Variants in PTPRN2 observed in about 807,000 individuals in gnomAD.
The protein encoded by PTPRN2 is receptor-type tyrosine-protein phosphatase N2.
In PTPRN2, 74 loss-of-function variants were observed where a neutral mutation model predicts 118.8. That is an observed-to-expected ratio of 0.62 (90% CI 0.52 to 0.76). PTPRN2 has a LOEUF of 0.76. Among genes scored for constraint, PTPRN2 ranks in the 30% least tolerant of loss-of-function variants. The pLI is 0.00. For missense variants in PTPRN2, 1,481 were observed against 1,394.4 expected, an observed-to-expected ratio of 1.06 and a Z score of -0.99; for synonymous variants, 641 against 608.0, an observed-to-expected ratio of 1.05 and a Z score of -0.80.
In PTPRN2 at chr7:158,555,445, C is replaced by T. The variant is rs1826913458; in HGVS notation, c.112+32113G>A. ...CCCTGCCTTCCTCGCTGAAACCTCC[C>T]AACACTGACGTCACCGGGGTGGGGC... On this transcript the variant is annotated intron_variant, in intron 1 of 22. Transcript: ENST00000389418. This position sits in a 1 kb window ranked among gnomAD's most constrained non-coding sequence, Gnocchi z 4.7. 6.6e-6 allele frequency among the ~76,000 whole-genome samples: 1 copy of T among 152,212 alleles called. No individual in the cohort carries two copies. Among genetic ancestry groups the T allele is most frequent in the African/African-American group, 2.4e-5 (1 of 41,458 alleles).
chr7:157,825,417 C>A (rs1046620796), intron 12 of PTPRN2, among the ~76,000 whole-genome samples: 4 of 152,172 alleles, frequency 2.6e-5, no homozygotes, highest in African/African-American at 7.2e-5. Context: ...GCCTCCCCCC[C>A]AGACTTCTTC....
intron 6 of PTPRN2, among the ~76,000 whole-genome samples, chr7:158,144,512 G>A (rs55990226): frequency 0.1 from 15,332 of 152,228 alleles, 847 homozygotes; most frequent in African/African-American, 0.14. Flanking sequence ...GGTGTCAGGC[G>A]CCTGTAATCC....
At chr7:158,491,208 CAGG>C (rs1160402126) in intron 1 of PTPRN2, among the ~76,000 whole-genome samples, 1 of 152,240 alleles carries the variant, frequency 6.6e-6, no homozygotes, top group Non-Finnish European at 1.5e-5. Context: ...TGGGAGTTCA[CAGG>C]AGGAGGCAGC....
At chr7:157,713,887 G>T (rs572486358) in intron 12 of PTPRN2, among the ~76,000 whole-genome samples, 2 of 152,174 alleles carry the variant, frequency 1.3e-5, no homozygotes, top group Non-Finnish European at 2.9e-5. Context: ...CACACCTGCT[G>T]CTCTGCAGAG....
intron 12 of PTPRN2, among the ~76,000 whole-genome samples, chr7:157,725,672 G>GT (rs1563042799): frequency 2.7e-4 from 30 of 112,854 alleles, no homozygotes; most frequent in South Asian, 8.8e-4. Flanking sequence ...ACAGAGGAGT[G>GT]AGCCAGACCC....
chr7:157,778,800 G>A (rs1007737676), intron 12 of PTPRN2, among the ~76,000 whole-genome samples: 25 of 151,936 alleles, frequency 1.6e-4, no homozygotes, highest in African/African-American at 6.0e-4. Flanking sequence ...ACATGTCCAC[G>A]TGAATACAGG....
At chr7:157,749,579 A>G (rs1398106062) in intron 12 of PTPRN2, among the ~76,000 whole-genome samples, 989 of 43,460 alleles carry the variant, frequency 0.023, no homozygotes, top group Middle Eastern at 0.059. Flanking sequence ...GTGATTCTGA[A>G]GCCTGCGGCT....
Position 157,801,435 on chromosome 7 carries a change from C to A in PTPRN2, c.1788+97238G>T, listed in dbSNP as rs1042908202. 6.6e-6 allele frequency among the ~76,000 whole-genome samples: 1 copy of A among 151,964 alleles called. No homozygotes were observed. Among genetic ancestry groups the A allele is most frequent in the Non-Finnish European group, 1.5e-5 (1 of 68,012 alleles). ...CGAGAGTGCTGCGTTAACCCAGGTG[C>A]GGGGGATATTATCCTCCCCGTGAGA... On this transcript the variant is annotated intron_variant, in intron 12 of 22. Coordinates refer to ENST00000389418, the MANE Select transcript of PTPRN2 (RefSeq NM_002847.5). The surrounding 1 kb of genome is among the most constrained non-coding windows in gnomAD (Gnocchi z 4.2).
At chr7:157,546,145 G>C (rs1029274974) in intron 22 of PTPRN2, among the ~76,000 whole-genome samples, 1 of 152,130 alleles carries the variant, frequency 6.6e-6, no homozygotes, top group Non-Finnish European at 1.5e-5. Context: ...TCCTCCGGAC[G>C]CCCAGTCCAA....
At chr7:158,232,765 C>T (rs79926227) in intron 3 of PTPRN2, among the ~76,000 whole-genome samples, 5,290 of 152,072 alleles carry the variant, frequency 0.035, 322 homozygotes, top group African/African-American at 0.12. Flanking sequence ...GATACAATGA[C>T]GATTCAAAAT....
intron 12 of PTPRN2, among the ~76,000 whole-genome samples, chr7:157,765,405 C>T (rs934188708): frequency 2.0e-5 from 3 of 150,128 alleles, no homozygotes; most frequent in Admixed American, 6.6e-5. Flanking sequence ...ATCCCTCATC[C>T]GTACAACCCA....
intron 14 of PTPRN2, among the ~76,000 whole-genome samples, chr7:157,636,035 C>T (rs1804297342): frequency 6.6e-6 from 1 of 152,248 alleles, no homozygotes; most frequent in Non-Finnish European, 1.5e-5. Context: ...TCTCTTTCCA[C>T]TAAAACATTT....
Position 158,545,780 on chromosome 7 carries a change from C to T in PTPRN2, c.112+41778G>A, listed in dbSNP as rs548764923. Reference sequence around the variant, plus strand: ...TTGGGAGACTGAGGTGGGCGGATCACCTGAGGTCAGGAGTTCAAGACCGGT... The same window carrying T: ...TTGGGAGACTGAGGTGGGCGGATCATCTGAGGTCAGGAGTTCAAGACCGGT... On this transcript the variant is annotated intron_variant, in intron 1 of 22. Transcript: ENST00000389418. 2.0e-3 allele frequency among the ~76,000 whole-genome samples: 310 copies of T among 152,292 alleles called. 2 individuals are homozygous for T. The highest frequency in any genetic ancestry group is 7.2e-3 in the African/African-American group (299 of 41,572).
chr7:158,110,743 C>A, intron 10 of PTPRN2, 86 bp downstream of exon 10: 3 of 1,251,474 alleles, frequency 2.4e-6, no homozygotes, highest in Non-Finnish European at 3.4e-6. Flanking sequence ...TAACAAGAGC[C>A]ATGGGCTCGC....
chr7:158,095,433 A>G (rs1268306055), intron 10 of PTPRN2, among the ~76,000 whole-genome samples: 1 of 152,024 alleles, frequency 6.6e-6, no homozygotes, highest in Non-Finnish European at 1.5e-5. Flanking sequence ...TTTGGTGTTA[A>G]GTATCTGCAT....
chr7:158,069,196 C>T (rs1206601082), intron 11 of PTPRN2, among the ~76,000 whole-genome samples: 1 of 152,114 alleles, frequency 6.6e-6, no homozygotes, highest in Non-Finnish European at 1.5e-5. Flanking sequence ...TCTTTTTAAA[C>T]AAAATTTTTA....
chr7:157,971,292 A>G (rs938045903), intron 11 of PTPRN2, among the ~76,000 whole-genome samples: 1 of 152,216 alleles, frequency 6.6e-6, no homozygotes, highest in African/African-American at 2.4e-5. Context: ...CTTATCCATC[A>G]CGAATCCGTA....
At chr7:158,057,773 T>A (rs561688482) in intron 11 of PTPRN2, among the ~76,000 whole-genome samples, 3 of 152,264 alleles carry the variant, frequency 2.0e-5, no homozygotes, top group East Asian at 1.9e-4. Flanking sequence ...GGACCCCTCA[T>A]CTGCCCCCAT....
intron 13 of PTPRN2, among the ~76,000 whole-genome samples, chr7:157,659,008 C>A (rs992525215): frequency 6.6e-6 from 1 of 151,868 alleles, no homozygotes; most frequent in South Asian, 2.1e-4. Flanking sequence ...CCCTTCACCC[C>A]GGGGTGCCGG....
Sources: allele counts gnomAD v4.1 joint callset (sites outside exome capture counted in the v4.1 genomes callset), GRCh38; gene constraint gnomAD v4.1.1; non-coding constraint Gnocchi (gnomAD v3.1); transcripts MANE v1.5; gene names NCBI Gene and HGNC (gene_info 2026-07-23, HGNC 2026-07-21).